RCOR3: variants seen among roughly 807,000 people sequenced by gnomAD.
RCOR3 encodes the protein REST corepressor 3.
Under a neutral mutation model 64.1 loss-of-function variants are expected in RCOR3, and 13 were observed. That is an observed-to-expected ratio of 0.20 (90% CI 0.13 to 0.32). The LOEUF (loss-of-function observed/expected upper bound fraction) is 0.32, where lower values mean the gene tolerates loss of function less well. RCOR3 is among the 10% of genes least tolerant of loss of function. The pLI, the probability that RCOR3 is intolerant of heterozygous loss-of-function variation, is 1.00. For synonymous variants in RCOR3, 215 were observed against 239.0 expected (o/e 0.90, Z 0.93); for missense variants, 489 against 701.2 (o/e 0.70, Z 3.42).
chr1:211,259,648 G>A lies in RCOR3; in HGVS notation c.88G>A (p.Gly30Ser). ...CGCCAAGAGCCCGGCAGGCGGCGGC[G>A]GCAGCGGCGCCTCGTCCACCAACGG... is the stretch of plus-strand genomic sequence containing the variant. Reference protein sequence around the residue: ...GSAKSPAGGGGSGASSTNGGL... With the variant: ...GSAKSPAGGGSSGASSTNGGL... Residue 30 changes from glycine (G) to serine (S), a missense_variant, in exon 1 of 12, where the codon GGC becomes AGC. Coordinates refer to ENST00000419091, the MANE Select transcript of RCOR3 (RefSeq NM_001136223.3). The A allele has an allele frequency of 1.3e-6, 2 of 1,547,132 alleles. No individual in the cohort carries two copies. The highest frequency in any genetic ancestry group is 1.7e-6 in the Non-Finnish European group (2 of 1,145,398).
At chr1:211,307,812 TTTAG>T (rs898965132) in intron 10 of RCOR3, among the ~76,000 whole-genome samples, 29 of 151,718 alleles carry the variant, frequency 1.9e-4, no homozygotes, top group African/African-American at 6.3e-4. Flanking sequence ...AGATGTCAAC[TTTAG>T]TTATTTTTTA....
At chr1:211,272,391 A>G (rs1482667828) in intron 3 of RCOR3, among the ~76,000 whole-genome samples, 2 of 152,142 alleles carry the variant, frequency 1.3e-5, no homozygotes, top group Admixed American at 6.5e-5. Flanking sequence ...GTTTTACACA[A>G]TGGTTCATTT....
chr1:211,305,548 G>A (rs1389640982), intron 10 of RCOR3, among the ~76,000 whole-genome samples: 1 of 152,090 alleles, frequency 6.6e-6, no homozygotes, highest in Non-Finnish European at 1.5e-5. Flanking sequence ...TTAGTAGCCT[G>A]GTAAAAACTG....
chr1:211,281,453 C>T (rs538755905), intron 7 of RCOR3, among the ~76,000 whole-genome samples: 2 of 152,284 alleles, frequency 1.3e-5, no homozygotes, highest in East Asian at 1.9e-4. Context: ...CCGTGCCTCC[C>T]TTTCCAGGTT....
rs1701865042 is a variant in RCOR3, at chr1:211,316,361, A to AAAAT, written c.*2597_*2600dup. 6.6e-6 allele frequency: 1 copy of AAAAT among 152,218 alleles called. No individual in the cohort carries two copies. Among genetic ancestry groups the AAAAT allele is most frequent in the South Asian group, 2.1e-4 (1 of 4,824 alleles). The allele number at this position is 152,218 out of a possible 1,614,324, so 9.4% of individuals were successfully genotyped here. A position where few individuals can be genotyped will look rare whatever the true frequency, so the allele number is the denominator to read the frequency against. On this transcript the variant is annotated 3_prime_UTR_variant, in exon 12 of 12. Coordinates refer to ENST00000419091, the MANE Select transcript of RCOR3 (RefSeq NM_001136223.3). ...CTTGCAATTGAGTAAAATAGAATAT[A>AAAAT]AAATAAAGGTGAAATAATATAAAAT...
chr1:211,267,020 A>G (rs1695323496), intron 2 of RCOR3, among the ~76,000 whole-genome samples: 1 of 152,202 alleles, frequency 6.6e-6, no homozygotes, highest in South Asian at 2.1e-4. Flanking sequence ...ATAAGGTGAG[A>G]AGAAGCCTTT....
intron 8 of RCOR3, chr1:211,291,511 G>A (rs1699239736): frequency 2.2e-6 from 1 of 454,424 alleles, no homozygotes; most frequent in Non-Finnish European, 4.4e-6. Flanking sequence ...TTTTGATTTG[G>A]TACTATCCAC....
In RCOR3 at chr1:211,276,347, G is replaced by C; in HGVS notation, c.445G>C (p.Val149Leu). Residue 149 changes from valine (V) to leucine (L), a missense_variant, in exon 5 of 12, where the codon GTG becomes CTG. This residue lies in a region of RCOR3 where 402 missense variants were observed against 617.0 expected (regional missense o/e 0.65). Transcript: ENST00000419091. ...NFTPFPDEWT[V>L]EDKVLFEQAF... The stretch of plus-strand genomic sequence containing the variant: ...CACTCCCTTTCCGGATGAGTGGACA[G>C]TGGAAGATAAAGTCCTATTTGAACA... 1 of 1,614,002 alleles carries C rather than the reference G, an allele frequency of 6.2e-7. No homozygotes were observed. Among genetic ancestry groups the C allele is most frequent in the Non-Finnish European group, 8.5e-7 (1 of 1,179,888 alleles).
At chr1:211,277,215 C>T (rs1697133472) in intron 5 of RCOR3, among the ~76,000 whole-genome samples, 2 of 150,838 alleles carry the variant, frequency 1.3e-5, no homozygotes, top group Admixed American at 6.6e-5. Flanking sequence ...CTAGTTCCTA[C>T]ATTTTTAGTA....
In RCOR3 at chr1:211,313,238, T is replaced by C. The variant is rs1444949000; in HGVS notation, c.1318-186T>C. 31 of 1,430,292 alleles carry C rather than the reference T, an allele frequency of 2.2e-5. No individual in the cohort carries two copies. Among genetic ancestry groups the C allele is most frequent in the African/African-American group, 2.9e-5 (2 of 69,354 alleles). The allele number at this position is 1,430,292 out of a possible 1,614,324, so 88.6% of individuals were successfully genotyped here. A position where few individuals can be genotyped will look rare whatever the true frequency, so the allele number is the denominator to read the frequency against. On this transcript the variant is annotated intron_variant, in intron 11 of 11. Transcript: ENST00000419091. This position sits in a 1 kb window ranked among gnomAD's most constrained non-coding sequence, Gnocchi z 4.7. The stretch of plus-strand genomic sequence containing the variant: ...TAAAGATGCCTGTTTGGTAGCCTCA[T>C]TGGTTTTTGGTTTTTGGTTTTGTTT...
At position 211,313,913 on chromosome 1, in the gene RCOR3, A is replaced by C; in HGVS notation, c.*145A>C. 1 of 775,934 alleles carries C rather than the reference A, an allele frequency of 1.3e-6. No homozygotes were observed. The highest frequency in any genetic ancestry group is 1.9e-5 in the South Asian group (1 of 52,308). The allele number at this position is 775,934 out of a possible 1,614,324, so 48.1% of individuals were successfully genotyped here. On this transcript the variant is annotated 3_prime_UTR_variant, in exon 12 of 12. Coordinates refer to ENST00000419091, the MANE Select transcript of RCOR3 (RefSeq NM_001136223.3). This position sits in a 1 kb window ranked among gnomAD's most constrained non-coding sequence, Gnocchi z 4.7. Reference sequence around the variant, plus strand: ...TGTGGCAGTGGACTAGCATAAGTGGATGTCTAAGAAATTTTTCAGTTCACT... The same window carrying C: ...TGTGGCAGTGGACTAGCATAAGTGGCTGTCTAAGAAATTTTTCAGTTCACT...
At chr1:211,300,580 T>C (rs1203129123) in intron 9 of RCOR3, among the ~76,000 whole-genome samples, 1 of 152,232 alleles carries the variant, frequency 6.6e-6, no homozygotes, top group African/African-American at 2.4e-5. Flanking sequence ...TCTATACATG[T>C]AGGCATTCTC....
intron 9 of RCOR3, 101 bp from the exon 10 acceptor site, chr1:211,303,982 T>C (rs375774860): frequency 3.3e-6 from 2 of 615,196 alleles, no homozygotes; most frequent in Non-Finnish European, 2.8e-6. Context: ...AGAGTTGTAG[T>C]AATCTCATGT....
At chr1:211,262,726 CT>C (rs1694532918) in intron 2 of RCOR3, among the ~76,000 whole-genome samples, 1 of 151,316 alleles carries the variant, frequency 6.6e-6, no homozygotes, top group Non-Finnish European at 1.5e-5. Context: ...TGGAAAGCAT[CT>C]TTTTTGTTTC....
At chr1:211,278,001 A>C in intron 5 of RCOR3, 116 bp from the exon 6 acceptor site, 1 of 876,700 alleles carries the variant, frequency 1.1e-6, no homozygotes, top group Non-Finnish European at 1.7e-6. Flanking sequence ...ATAATTCATA[A>C]AGGTACCCAT....
intron 10 of RCOR3, among the ~76,000 whole-genome samples, chr1:211,304,459 A>G (rs1700671942): frequency 6.6e-6 from 1 of 152,224 alleles, no homozygotes; most frequent in South Asian, 2.1e-4. Flanking sequence ...TTCTTACTAT[A>G]TATCATTCAT....
chr1:211,261,387 T>C (rs1300469707), intron 2 of RCOR3, among the ~76,000 whole-genome samples: 1 of 152,224 alleles, frequency 6.6e-6, no homozygotes, highest in African/African-American at 2.4e-5. Context: ...TCATTTTTAA[T>C]AGGTGAAAAC....
chr1:211,306,181 T>G (rs985190848), intron 10 of RCOR3, among the ~76,000 whole-genome samples: 1 of 152,178 alleles, frequency 6.6e-6, no homozygotes, highest in Non-Finnish European at 1.5e-5. Context: ...TCATATTGTC[T>G]TATGTGCCCA....
chr1:211,275,028 ACT>A (rs1349804051), intron 4 of RCOR3, among the ~76,000 whole-genome samples: 1 of 151,116 alleles, frequency 6.6e-6, no homozygotes, highest in Non-Finnish European at 1.5e-5. Flanking sequence ...TATGTAATAC[ACT>A]CTATTATATA....
Sources: allele counts gnomAD v4.1 joint callset (sites outside exome capture counted in the v4.1 genomes callset), GRCh38; gene constraint gnomAD v4.1.1; regional missense constraint gnomAD v4.1.1; non-coding constraint Gnocchi (gnomAD v3.1); transcripts MANE v1.5; gene names NCBI Gene and HGNC (gene_info 2026-07-23, HGNC 2026-07-21).